ST6GALNAC3: variants seen among roughly 807,000 people sequenced by gnomAD.
ST6GALNAC3 encodes the protein ST6 N-acetylgalactosaminide alpha-2,6-sialyltransferase 3, also known as alpha-N-acetylgalactosaminide alpha-2,6-sialyltransferase 3.
ST6GALNAC3 carries 25 observed loss-of-function variants against 32.7 expected under a neutral mutation model. That is an observed-to-expected ratio of 0.76 (90% CI 0.56 to 1.07). The LOEUF (loss-of-function observed/expected upper bound fraction) is 1.07. ST6GALNAC3 is among the 50% of genes least tolerant of loss of function. The pLI, the probability that ST6GALNAC3 is intolerant of heterozygous loss-of-function variation, is 0.00. For missense variants in ST6GALNAC3, 355 were observed against 382.4 expected, an observed-to-expected ratio of 0.93 and a Z score of 0.60; for synonymous variants, 129 against 133.1, an observed-to-expected ratio of 0.97 and a Z score of 0.21.
intron 2 of ST6GALNAC3, among the ~76,000 whole-genome samples, chr1:76,406,793 T>A (rs1653866401): frequency 1.3e-5 from 2 of 151,996 alleles, no homozygotes. Flanking sequence ...AGTTAACATA[T>A]GCTCTTCTTT....
At chr1:76,302,290 TTTTG>T (rs944454227) in intron 1 of ST6GALNAC3, among the ~76,000 whole-genome samples, 4 of 151,958 alleles carry the variant, frequency 2.6e-5, no homozygotes, top group African/African-American at 4.8e-5. Context: ...TGCTGAGGTG[TTTTG>T]TTTGTTTGTT....
intron 1 of ST6GALNAC3, among the ~76,000 whole-genome samples, chr1:76,137,292 C>T (rs1650004975): frequency 6.6e-6 from 1 of 152,206 alleles, no homozygotes; most frequent in South Asian, 2.1e-4. Context: ...TTTTCAGCAC[C>T]CTCAGCTGTT....
rs974170328 is a variant in ST6GALNAC3 at position 76,633,191 on chromosome 1, A to T, written c.*4385A>T. On this transcript the variant is annotated 3_prime_UTR_variant, in exon 5 of 5. Transcript: ENST00000328299. ...GTACTGAGACTCAAATTCTTGTCTC[A>T]TGTTTTCTTCTCTAGTGCTTTTTCC... 1 of 152,156 alleles carries T rather than the reference A, an allele frequency of 6.6e-6. No homozygotes were observed. 9.4% of individuals were successfully genotyped at this position (152,156 alleles called of 1,614,324 possible). A position where few individuals can be genotyped will look rare whatever the true frequency, so the allele number is the denominator to read the frequency against.
intron 3 of ST6GALNAC3, among the ~76,000 whole-genome samples, chr1:76,622,292 C>A (rs774961715): frequency 6.6e-6 from 1 of 151,948 alleles, no homozygotes; most frequent in Non-Finnish European, 1.5e-5. Flanking sequence ...CCATTGCAGG[C>A]TAAGACTTGC....
chr1:76,112,912 T>C (rs1424548780), intron 1 of ST6GALNAC3, among the ~76,000 whole-genome samples: 6 of 149,248 alleles, frequency 4.0e-5, no homozygotes, highest in Non-Finnish European at 5.9e-5. Flanking sequence ...CAGGCAGAGA[T>C]GCTCCTCACT....
At chr1:76,278,409 G>T (rs1255266792) in intron 1 of ST6GALNAC3, among the ~76,000 whole-genome samples, 1 of 151,752 alleles carries the variant, frequency 6.6e-6, no homozygotes, top group Non-Finnish European at 1.5e-5. Context: ...TTTTAGTAGA[G>T]ACGGGGTTTC....
intron 2 of ST6GALNAC3, among the ~76,000 whole-genome samples, chr1:76,327,045 A>G (rs966440605): frequency 1.3e-5 from 2 of 152,078 alleles, no homozygotes; most frequent in Admixed American, 6.6e-5. Flanking sequence ...AAGAATTCAA[A>G]TGTTTTTAAA....
chr1:76,455,530 C>A (rs1657713307), intron 3 of ST6GALNAC3, among the ~76,000 whole-genome samples: 1 of 152,132 alleles, frequency 6.6e-6, no homozygotes, highest in Non-Finnish European at 1.5e-5. Context: ...GGGAACATAA[C>A]CCTTGCTTCC....
chr1:76,174,555 C>T (rs1652726347), intron 1 of ST6GALNAC3, among the ~76,000 whole-genome samples: 2 of 151,586 alleles, frequency 1.3e-5, no homozygotes, highest in Admixed American at 1.3e-4. Context: ...ACCTATCTGT[C>T]TACCTATCTA....
intron 2 of ST6GALNAC3, among the ~76,000 whole-genome samples, chr1:76,372,911 T>C (rs1650939011): frequency 6.6e-6 from 1 of 152,138 alleles, no homozygotes; most frequent in African/African-American, 2.4e-5. Flanking sequence ...GCTCCTTGCC[T>C]CTCTTCTTGC....
chr1:76,404,897 A>G (rs1653708306), intron 2 of ST6GALNAC3, among the ~76,000 whole-genome samples: 1 of 152,130 alleles, frequency 6.6e-6, no homozygotes, highest in African/African-American at 2.4e-5. Flanking sequence ...GTGTAAAACA[A>G]TGTTTTTAAT....
chr1:76,321,531 G>GCCA (rs1237276195), intron 2 of ST6GALNAC3, among the ~76,000 whole-genome samples: 1 of 152,116 alleles, frequency 6.6e-6, no homozygotes, highest in Non-Finnish European at 1.5e-5. Flanking sequence ...TTATTTTACA[G>GCCA]CCACCACCAC....
intron 3 of ST6GALNAC3, among the ~76,000 whole-genome samples, chr1:76,589,845 C>G (rs1457618865): frequency 6.6e-6 from 1 of 151,928 alleles, no homozygotes; most frequent in African/African-American, 2.4e-5. Flanking sequence ...AGCACCCCTT[C>G]ATGCATCTAG....
intron 1 of ST6GALNAC3, among the ~76,000 whole-genome samples, chr1:76,312,159 AC>A (rs1373867525): frequency 3.3e-5 from 4 of 122,512 alleles, no homozygotes; most frequent in Non-Finnish European, 7.4e-5. Context: ...GACAAACCTG[AC>A]AAAAACAAAC....
intron 1 of ST6GALNAC3, among the ~76,000 whole-genome samples, chr1:76,090,018 G>A (rs1647022916): frequency 6.6e-6 from 1 of 152,164 alleles, no homozygotes; most frequent in South Asian, 2.1e-4. Flanking sequence ...CACTGAGAGT[G>A]TATTTATATA....
intron 1 of ST6GALNAC3, among the ~76,000 whole-genome samples, chr1:76,171,091 GTGTGTGTGTGT>G (rs1570294362): frequency 6.4e-5 from 1 of 15,546 alleles, no homozygotes; most frequent in Admixed American, 1.7e-3. Context: ...TGAGAGGGGT[GTGTGTGTGTGT>G]GTGTGTGTGT....
At chr1:76,537,569 A>T (rs1453627062) in intron 3 of ST6GALNAC3, among the ~76,000 whole-genome samples, 1 of 152,178 alleles carries the variant, frequency 6.6e-6, no homozygotes, top group Non-Finnish European at 1.5e-5. Context: ...ACCATTAGAT[A>T]AACTAATAAA....
chr1:76,305,061 C>G (rs1557770048), intron 1 of ST6GALNAC3, among the ~76,000 whole-genome samples: 1 of 152,026 alleles, frequency 6.6e-6, no homozygotes, highest in African/African-American at 2.4e-5. Context: ...GCCCGGCGCA[C>G]AGGGGTGGGA....
At chr1:76,086,067 T>A (rs948159076) in intron 1 of ST6GALNAC3, among the ~76,000 whole-genome samples, 1 of 152,236 alleles carries the variant, frequency 6.6e-6, no homozygotes, top group Non-Finnish European at 1.5e-5. Context: ...TGGCACCACT[T>A]GTGTCTGGAA....
Sources: gnomAD v4.1 joint callset for allele counts (sites outside exome capture counted in the v4.1 genomes callset) on GRCh38, gnomAD v4.1.1 for gene constraint, MANE v1.5 for transcripts, NCBI Gene and HGNC (gene_info 2026-07-23, HGNC 2026-07-21) for gene names.